The following PSD3 variants were observed in gnomAD, a reference collection of about 807,000 sequenced individuals.
The protein encoded by PSD3 is PH and SEC7 domain-containing protein 3.
Under a neutral mutation model 105.5 loss-of-function variants are expected in PSD3, and 49 were observed. The observed-to-expected ratio is 0.46, with a 90% CI of 0.37 to 0.59. The LOEUF is 0.59. Ranked by LOEUF, PSD3 falls within the 20% of genes least tolerant of loss-of-function variation. The pLI is 0.00. For missense variants in PSD3, 1,561 were observed against 1,263.8 expected (o/e 1.24, Z -3.57); for synonymous variants, 557 against 457.8 (o/e 1.22, Z -2.77).
intron 9 of PSD3, among the ~76,000 whole-genome samples, chr8:18,704,210 G>C (rs1434707516): frequency 6.6e-6 from 1 of 152,142 alleles, no homozygotes; most frequent in East Asian, 1.9e-4. Flanking sequence ...ACTGAAATAA[G>C]AATGTGCTTT....
chr8:18,650,024 T>C (rs1300602777), intron 10 of PSD3, among the ~76,000 whole-genome samples: 4 of 152,234 alleles, frequency 2.6e-5, no homozygotes, highest in African/African-American at 4.8e-5. Flanking sequence ...AGTATTGCTT[T>C]GTAGCAGTGC....
rs971748129 is a variant in PSD3, at chr8:18,528,083, G to A, written c.*7660C>T. 1 of 152,162 alleles carries A rather than the reference G, an allele frequency of 6.6e-6. No homozygotes were observed. The highest frequency in any genetic ancestry group is 2.4e-5 in the African/African-American group (1 of 41,432). 9.4% of individuals were successfully genotyped at this position (152,162 alleles called of 1,614,324 possible). On this transcript the variant is annotated 3_prime_UTR_variant, in exon 16 of 16. Transcript: ENST00000327040. ...TTTATATTAAAAGATACAAATTATC[G>A]CCTTTCTGCCTGTCCTATGGTAATC...
chr8:18,946,627 CG>C (rs1822869989), intron 1 of PSD3, among the ~76,000 whole-genome samples: 1 of 150,634 alleles, frequency 6.6e-6, no homozygotes, highest in South Asian at 2.1e-4. Context: ...TTTCCAGGCA[CG>C]GTGGCTCACG....
intron 12 of PSD3, among the ~76,000 whole-genome samples, chr8:18,588,662 A>G (rs1467693706): frequency 1.3e-5 from 2 of 152,186 alleles, no homozygotes; most frequent in African/African-American, 4.8e-5. Context: ...CACACTCCAG[A>G]GCTATCATAA....
chr8:18,543,857 G>A (rs767324187), intron 15 of PSD3, among the ~76,000 whole-genome samples: 1 of 152,038 alleles, frequency 6.6e-6, no homozygotes, highest in African/African-American at 2.4e-5. Flanking sequence ...TCACTGAACA[G>A]TTTCTCTCTA....
At chr8:18,713,615 G>C (rs542365787) in intron 9 of PSD3, among the ~76,000 whole-genome samples, 1 of 152,198 alleles carries the variant, frequency 6.6e-6, no homozygotes, top group African/African-American at 2.4e-5. Flanking sequence ...ACAAACCTCT[G>C]CCCAAGGAAA....
chr8:18,833,251 T>G (rs1292706572), intron 4 of PSD3, among the ~76,000 whole-genome samples: 1 of 152,092 alleles, frequency 6.6e-6, no homozygotes, highest in Non-Finnish European at 1.5e-5. Context: ...TTCACTCAGG[T>G]TGAAGCTTGT....
intron 2 of PSD3, among the ~76,000 whole-genome samples, chr8:18,925,412 C>T (rs937363273): frequency 6.6e-6 from 1 of 151,122 alleles, no homozygotes; most frequent in Admixed American, 6.6e-5. Flanking sequence ...TATATACACA[C>T]ACACACATAT....
intron 1 of PSD3, among the ~76,000 whole-genome samples, chr8:19,030,407 C>A (rs1422016798): frequency 6.6e-6 from 1 of 152,138 alleles, no homozygotes; most frequent in Non-Finnish European, 1.5e-5. Flanking sequence ...TTGTAATCCC[C>A]AGCATTGAAG....
intron 9 of PSD3, among the ~76,000 whole-genome samples, chr8:18,658,436 A>G (rs1165075504): frequency 6.6e-6 from 1 of 151,930 alleles, no homozygotes; most frequent in Admixed American, 6.6e-5. Context: ...TAGACGTCAT[A>G]GTCTCTCACC....
intron 4 of PSD3, among the ~76,000 whole-genome samples, chr8:18,816,115 G>C (rs373947977): frequency 7.9e-5 from 12 of 152,076 alleles, no homozygotes; most frequent in East Asian, 5.8e-4. Flanking sequence ...GGATTAACAG[G>C]GGACGTTTCC....
chr8:18,646,592 C>T (rs1031824662), intron 10 of PSD3, among the ~76,000 whole-genome samples: 8 of 151,322 alleles, frequency 5.3e-5, no homozygotes, highest in Non-Finnish European at 7.4e-5. Context: ...TGAAGCACTA[C>T]AACAAAAAAA....
rs147762006 is a variant in PSD3, at chr8:18,843,480, T to C, written c.1634+24194A>G. ...TTTCCCTTCATATAACGAAGTAATA[T>C]AAGAGGTATTAGGAAAACCCCTCCT... On this transcript the variant is annotated intron_variant, in intron 4 of 15. Coordinates refer to ENST00000327040, the MANE Select transcript of PSD3 (RefSeq NM_015310.4). Among the ~76,000 whole-genome samples, 351 of 152,302 alleles carry C rather than the reference T, an allele frequency of 2.3e-3. 7 individuals carry two copies. The highest frequency in any genetic ancestry group is 0.021 in the Admixed American group (318 of 15,292).
intron 3 of PSD3, among the ~76,000 whole-genome samples, chr8:18,869,442 G>A (rs1223409683): frequency 6.6e-6 from 1 of 152,048 alleles, no homozygotes; most frequent in Non-Finnish European, 1.5e-5. Flanking sequence ...GCCTCCCAAA[G>A]TGCTGGGATT....
chr8:18,852,232 G>C (rs1815637482), intron 4 of PSD3, among the ~76,000 whole-genome samples: 1 of 152,034 alleles, frequency 6.6e-6, no homozygotes, highest in African/African-American at 2.4e-5. Context: ...AATAACCATG[G>C]AATAAAAATA....
intron 7 of PSD3, chr8:18,800,885 T>C (rs988178713): frequency 6.5e-6 from 1 of 153,810 alleles, no homozygotes; most frequent in Non-Finnish European, 1.4e-5. Flanking sequence ...ATAAGAAAAC[T>C]GAAATTTCAT....
chr8:19,033,758 G>A (rs1406908883), intron 1 of PSD3, among the ~76,000 whole-genome samples: 1 of 151,948 alleles, frequency 6.6e-6, no homozygotes, highest in Non-Finnish European at 1.5e-5. Context: ...TGGTTGGGAT[G>A]GAATTGACAC....
At chr8:18,738,597 G>A (rs1344925853) in intron 9 of PSD3, among the ~76,000 whole-genome samples, 2 of 152,238 alleles carry the variant, frequency 1.3e-5, no homozygotes, top group East Asian at 1.9e-4. Context: ...ATCATTATCA[G>A]AAATGTGAAT....
At chr8:18,836,881 T>C (rs6586771) in intron 4 of PSD3, among the ~76,000 whole-genome samples, 44,233 of 151,524 alleles carry the variant, frequency 0.29, 6,703 homozygotes, top group Non-Finnish European at 0.3. Flanking sequence ...GTTGGTTTAA[T>C]GCGATGTGGA....
Sources: allele counts gnomAD v4.1 joint callset (sites outside exome capture counted in the v4.1 genomes callset), GRCh38; gene constraint gnomAD v4.1.1; transcripts MANE v1.5; gene names NCBI Gene and HGNC (gene_info 2026-07-23, HGNC 2026-07-21).